The following CPT1A variants were observed in gnomAD, a reference collection of about 807,000 sequenced individuals.
CPT1A encodes the protein carnitine O-palmitoyltransferase 1, liver isoform.
CPT1A carries 64 observed loss-of-function variants against 100.8 expected under a neutral mutation model. The observed-to-expected ratio is 0.63, with a 90% confidence interval of 0.52 to 0.78. The LOEUF is 0.78. Among genes scored for constraint, CPT1A ranks in the 30% least tolerant of loss-of-function variants. The pLI is 0.00. For synonymous variants in CPT1A, 363 were observed against 396.0 expected, an observed-to-expected ratio of 0.92 and a Z score of 0.99; for missense variants, 802 against 1,034.1, an observed-to-expected ratio of 0.78 and a Z score of 3.08.
intron 1 of CPT1A, among the ~76,000 whole-genome samples, chr11:68,829,365 A>G (rs1481106856): frequency 1.3e-5 from 2 of 152,056 alleles, no homozygotes; most frequent in Non-Finnish European, 1.5e-5. Context: ...ATTTTCTTCC[A>G]TGCCCAGGTA....
intron 18 of CPT1A, among the ~76,000 whole-genome samples, chr11:68,758,020 A>G (rs1410681670): frequency 2.0e-5 from 3 of 152,232 alleles, no homozygotes; most frequent in African/African-American, 7.2e-5. Flanking sequence ...ATGGTGGCTC[A>G]TGCCTGTAAT....
intron 1 of CPT1A, among the ~76,000 whole-genome samples, chr11:68,838,444 C>G (rs1857066587): frequency 6.6e-6 from 1 of 151,854 alleles, no homozygotes; most frequent in African/African-American, 2.4e-5. Context: ...AAAGTCCTTA[C>G]TTGTGTTAAG....
At chr11:68,775,165 C>A (rs1383132391) in intron 13 of CPT1A, 151 bp downstream of exon 13, 6 of 682,782 alleles carry the variant, frequency 8.8e-6, no homozygotes, top group African/African-American at 1.8e-5. Context: ...CGCAGACCCA[C>A]GGAACTCCCT....
At chr11:68,825,233 C>T (rs149399744) in intron 1 of CPT1A, among the ~76,000 whole-genome samples, 239 of 152,268 alleles carry the variant, frequency 1.6e-3, no homozygotes, top group African/African-American at 5.1e-3. Flanking sequence ...CTTCTACGCA[C>T]ATTTGAGATC....
chr11:68,771,043 G>A (rs932636940), intron 14 of CPT1A, among the ~76,000 whole-genome samples: 3 of 152,180 alleles, frequency 2.0e-5, no homozygotes, highest in Non-Finnish European at 2.9e-5. Context: ...AGTGGCTGGT[G>A]CCCCTTGCAG....
intron 12 of CPT1A, among the ~76,000 whole-genome samples, chr11:68,779,527 G>A (rs1855240941): frequency 6.6e-6 from 1 of 150,958 alleles, no homozygotes; most frequent in South Asian, 2.1e-4. Context: ...TGAGTGTGGT[G>A]GCTCCCATCT....
chr11:68,785,849 AG>A, intron 9 of CPT1A: 2 of 549,706 alleles, frequency 3.6e-6, no homozygotes, highest in South Asian at 4.9e-5. Context: ...GTTCTGAGAA[AG>A]AAAGTGGAAA....
At chr11:68,762,565 T>C in intron 15 of CPT1A, 62 bp downstream of exon 15, 1 of 1,602,940 alleles carries the variant, frequency 6.2e-7, no homozygotes, top group Non-Finnish European at 8.5e-7. Context: ...AGTGATGGCC[T>C]CCAGAAGCCT....
chr11:68,813,550 A>C (rs1856283189), intron 2 of CPT1A, among the ~76,000 whole-genome samples: 1 of 151,000 alleles, frequency 6.6e-6, no homozygotes, highest in East Asian at 1.9e-4. Context: ...AAAAAAAAAA[A>C]AATTAGCCGG....
chr11:68,759,962 T>C (rs1594314978), intron 17 of CPT1A, among the ~76,000 whole-genome samples: 1 of 151,916 alleles, frequency 6.6e-6, no homozygotes, highest in South Asian at 2.1e-4. Flanking sequence ...TCACCTGAGA[T>C]GGGGGAGATT....
Position 68,823,389 on chromosome 11 carries a change from C to T in CPT1A, c.-13-7902G>A, listed in dbSNP as rs1856636258. Among the ~76,000 whole-genome samples, 3 of 152,324 alleles carry T rather than the reference C, an allele frequency of 2.0e-5. No homozygotes were observed. In the Middle Eastern group the frequency reaches 0.01, roughly 518 times the overall value. ...TAATGTCTATGCACCTAACCATTCT[C>T]TCCTCAAATATATGATGGTGGGGGT... On this transcript the variant is annotated intron_variant, in intron 1 of 18. Coordinates refer to ENST00000265641, the MANE Select transcript of CPT1A (RefSeq NM_001876.4).
intron 15 of CPT1A, among the ~76,000 whole-genome samples, 184 bp from the exon 16 acceptor site, chr11:68,761,871 A>G (rs71463698): frequency 6.6e-6 from 1 of 152,120 alleles, no homozygotes; most frequent in Non-Finnish European, 1.5e-5. Context: ...TCATCCTCCC[A>G]AAGTACTGGG....
intron 16 of CPT1A, among the ~76,000 whole-genome samples, chr11:68,760,620 G>A (rs1238468384): frequency 2.6e-5 from 4 of 152,166 alleles, no homozygotes; most frequent in East Asian, 1.9e-4. Context: ...AGTAAGATTC[G>A]GAACGGGGAC....
chr11:68,830,215 C>T (rs1856843542), intron 1 of CPT1A, among the ~76,000 whole-genome samples: 1 of 152,122 alleles, frequency 6.6e-6, no homozygotes, highest in Non-Finnish European at 1.5e-5. Flanking sequence ...GAGGTCGAGG[C>T]TGCAGCAAGC....
chr11:68,792,996 C>T (rs961507711), intron 9 of CPT1A, among the ~76,000 whole-genome samples: 13 of 152,028 alleles, frequency 8.6e-5, no homozygotes, highest in African/African-American at 1.9e-4. Flanking sequence ...TGAAGTGAGC[C>T]GTGATCATGT....
At chr11:68,789,257 T>A (rs919397040) in intron 9 of CPT1A, among the ~76,000 whole-genome samples, 18 of 152,180 alleles carry the variant, frequency 1.2e-4, no homozygotes, top group African/African-American at 4.3e-4. Flanking sequence ...TCCCTTTTTT[T>A]ATTTTGGGGA....
chr11:68,795,581 AAAAG>A, intron 7 of CPT1A, among the ~76,000 whole-genome samples: 1 of 152,338 alleles, frequency 6.6e-6, no homozygotes, highest in South Asian at 2.1e-4. Flanking sequence ...AGTTAAGAGA[AAAAG>A]AAAGGACAAT....
chr11:68,767,994 G>A (rs892335146), intron 14 of CPT1A, among the ~76,000 whole-genome samples: 1 of 148,226 alleles, frequency 6.7e-6, no homozygotes, highest in African/African-American at 2.5e-5. Context: ...TCCCAGGCAC[G>A]CATCTTTAAC....
chr11:68,796,592 A>G (rs116803819), intron 7 of CPT1A, among the ~76,000 whole-genome samples: 4 of 152,314 alleles, frequency 2.6e-5, no homozygotes, highest in African/African-American at 4.8e-5. Flanking sequence ...CAGGACAGGT[A>G]CAGCACAGTG....
Sources: allele counts gnomAD v4.1 joint callset (sites outside exome capture counted in the v4.1 genomes callset), GRCh38; gene constraint gnomAD v4.1.1; transcripts MANE v1.5; gene names NCBI Gene and HGNC (gene_info 2026-07-23, HGNC 2026-07-21).